FSTL4: variants seen among roughly 807,000 people sequenced by gnomAD.
The protein encoded by FSTL4 is follistatin like 4, also known as follistatin-related protein 4.
Under a neutral mutation model 78.2 loss-of-function variants are expected in FSTL4, and 28 were observed. That is an observed-to-expected ratio of 0.36 (90% CI 0.27 to 0.49). FSTL4 has a LOEUF of 0.49. Ranked by LOEUF, FSTL4 falls within the 20% of genes least tolerant of loss-of-function variation. The pLI is 0.98. For synonymous variants in FSTL4, 422 were observed against 440.5 expected (o/e 0.96, Z 0.53); for missense variants, 922 against 1,084.9 (o/e 0.85, Z 2.11).
chr5:133,704,964 C>T, the FSTL4 span, among the ~76,000 whole-genome samples: 1 of 152,242 alleles, frequency 6.6e-6, no homozygotes, highest in Non-Finnish European at 1.5e-5. Context: ...GGTGACAAGA[C>T]ATTTCTTCCA....
chr5:133,400,578 C>A lies in FSTL4; in HGVS notation c.409+160G>T, dbSNP rs536839433. 5.3e-5 allele frequency among the ~76,000 whole-genome samples: 8 copies of A among 152,320 alleles called. No individual in the cohort carries two copies. The East Asian group carries it at 1.3e-3, about 26-fold the overall frequency. ...TGGAGGTGGGACACAGAGTATGCAT[C>A]ACCAAAATGCCACTGCTGCTATTTT... is the stretch of plus-strand genomic sequence containing the variant. On this transcript the variant is annotated intron_variant, in intron 4 of 15. Transcript: ENST00000265342.
chr5:133,807,344 C>T, the FSTL4 span, among the ~76,000 whole-genome samples: 15 of 152,342 alleles, frequency 9.8e-5, no homozygotes, highest in African/African-American at 2.6e-4. Flanking sequence ...TGTGTTCAAA[C>T]TCCATTTCTG....
intron 3 of FSTL4, among the ~76,000 whole-genome samples, chr5:133,475,419 C>T (rs1392881881): frequency 6.6e-6 from 1 of 152,238 alleles, no homozygotes; most frequent in African/African-American, 2.4e-5. Context: ...CTTCCCTGTT[C>T]CCTGTACCGT....
the FSTL4 span, among the ~76,000 whole-genome samples, chr5:133,753,229 G>T: frequency 3.3e-5 from 5 of 152,212 alleles, no homozygotes; most frequent in Non-Finnish European, 4.4e-5. Flanking sequence ...TCCCTGCTCT[G>T]CATCTTGCAA....
intron 6 of FSTL4, among the ~76,000 whole-genome samples, chr5:133,282,388 G>A (rs924238307): frequency 7.2e-5 from 11 of 152,176 alleles, no homozygotes; most frequent in Non-Finnish European, 1.5e-4. Context: ...GAAATCTGTG[G>A]CCATTTGGGG....
chr5:133,210,851 A>T (rs1458572875), intron 13 of FSTL4: 1 of 152,116 alleles, frequency 6.6e-6, no homozygotes, highest in Non-Finnish European at 1.5e-5. Flanking sequence ...ACTTAAAGGG[A>T]CCTAGACCAA....
At chr5:133,476,917 C>G (rs1757936761) in intron 3 of FSTL4, among the ~76,000 whole-genome samples, 1 of 152,152 alleles carries the variant, frequency 6.6e-6, no homozygotes, top group Admixed American at 6.5e-5. Flanking sequence ...TCTAACTGAC[C>G]CACCTAAAGT....
the FSTL4 span, among the ~76,000 whole-genome samples, chr5:133,650,401 A>G: frequency 3.3e-5 from 5 of 152,166 alleles, no homozygotes; most frequent in South Asian, 2.1e-4. Flanking sequence ...AGATTTTTTC[A>G]TATGTTATCT....
the FSTL4 span, among the ~76,000 whole-genome samples, chr5:133,728,262 G>GT: frequency 6.6e-6 from 1 of 152,144 alleles, no homozygotes; most frequent in Non-Finnish European, 1.5e-5. Flanking sequence ...ATAGCCAAAT[G>GT]GTCCCCAATG....
the FSTL4 span, among the ~76,000 whole-genome samples, chr5:133,640,437 C>A: frequency 2.6e-5 from 4 of 152,296 alleles, no homozygotes; most frequent in South Asian, 8.3e-4. Context: ...ACAGCAGAAC[C>A]TCCTGCTCTC....
At chr5:133,621,636 C>T in the FSTL4 span, among the ~76,000 whole-genome samples, 1 of 152,036 alleles carries the variant, frequency 6.6e-6, no homozygotes. Context: ...TAAAAGACTA[C>T]AAATATGGTG....
the FSTL4 span, among the ~76,000 whole-genome samples, chr5:133,731,443 T>C: frequency 1.3e-5 from 2 of 152,282 alleles, no homozygotes; most frequent in Admixed American, 6.5e-5. Context: ...TGTCAAGAGA[T>C]ACCCCAAGGC....
At position 133,433,835 on chromosome 5, in the gene FSTL4, G is replaced by A. The variant is rs1756986774; in HGVS notation, c.161-32849C>T. ...AGAGCTGGTGTCAAGGCCAGTGCAG[G>A]TGTCTGGGCCAAGAGGGGAGGCTAG... On this transcript the variant is annotated intron_variant, in intron 3 of 15. Coordinates refer to ENST00000265342, the MANE Select transcript of FSTL4 (RefSeq NM_015082.2). 3.3e-5 allele frequency among the ~76,000 whole-genome samples: 5 copies of A among 152,148 alleles called. 1 individual carries two copies. Among genetic ancestry groups the A allele is most frequent in the Admixed American group, 3.3e-4 (5 of 15,276 alleles).
intron 4 of FSTL4, among the ~76,000 whole-genome samples, chr5:133,332,814 C>G (rs1369677556): frequency 6.6e-6 from 1 of 152,190 alleles, no homozygotes; most frequent in African/African-American, 2.4e-5. Flanking sequence ...ACACTCTCAC[C>G]TCCATTTTTG....
intron 2 of FSTL4, among the ~76,000 whole-genome samples, chr5:133,569,136 A>G (rs1760094439): frequency 6.6e-6 from 1 of 152,182 alleles, no homozygotes; most frequent in Non-Finnish European, 1.5e-5. Flanking sequence ...TTCTTGGTTA[A>G]ATTTTACTGT....
the FSTL4 span, among the ~76,000 whole-genome samples, chr5:133,822,723 G>A: frequency 1.3e-5 from 2 of 152,154 alleles, no homozygotes; most frequent in Non-Finnish European, 2.9e-5. Context: ...TTAATAAATA[G>A]TTTTTAGTCC....
chr5:133,798,844 A>G, the FSTL4 span, among the ~76,000 whole-genome samples: 1 of 151,702 alleles, frequency 6.6e-6, no homozygotes, highest in Non-Finnish European at 1.5e-5. Flanking sequence ...GAAGGCACAG[A>G]CCTTAGTCAT....
At chr5:133,609,475 C>A (rs373552922) in intron 1 of FSTL4, among the ~76,000 whole-genome samples, 3 of 152,162 alleles carry the variant, frequency 2.0e-5, no homozygotes, top group African/African-American at 7.2e-5. Flanking sequence ...GGGAACCTCT[C>A]AAAGGCTTAC....
At chr5:133,465,015 C>T (rs914677803) in intron 3 of FSTL4, among the ~76,000 whole-genome samples, 24 of 152,136 alleles carry the variant, frequency 1.6e-4, no homozygotes, top group African/African-American at 5.6e-4. Flanking sequence ...TCGACACCTT[C>T]GTTTATTAAT....
Sources: gnomAD v4.1 joint callset for allele counts (sites outside exome capture counted in the v4.1 genomes callset) on GRCh38, gnomAD v4.1.1 for gene constraint, MANE v1.5 for transcripts, NCBI Gene and HGNC (gene_info 2026-07-23, HGNC 2026-07-21) for gene names.